ARID5B: variants seen among roughly 807,000 people sequenced by gnomAD.
ARID5B encodes the protein AT-rich interactive domain-containing protein 5B.
Under a neutral mutation model 97.2 loss-of-function variants are expected in ARID5B, and 13 were observed. The observed-to-expected ratio is 0.13, with a 90% CI of 0.09 to 0.21. ARID5B has a LOEUF of 0.21. Ranked by LOEUF, ARID5B falls within the 10% of genes least tolerant of loss-of-function variation. The pLI is 1.00. For missense variants in ARID5B, 1,210 were observed against 1,465.3 expected (o/e 0.83, Z 2.84); for synonymous variants, 556 against 570.3 (o/e 0.97, Z 0.36).
At chr10:62,059,530 G>A (rs1230869645) in intron 7 of ARID5B, among the ~76,000 whole-genome samples, 1 of 152,136 alleles carries the variant, frequency 6.6e-6, no homozygotes, top group African/African-American at 2.4e-5. Context: ...ACTCTCCCCT[G>A]TCAGGGAAAT....
Position 62,094,238 on chromosome 10 carries a change from G to A in ARID5B, c.*1208G>A. 8.6e-6 allele frequency: 2 copies of A among 232,072 alleles called. No individual in the cohort carries two copies. Among genetic ancestry groups the A allele is most frequent in the Non-Finnish European group, 1.7e-5 (2 of 117,300 alleles). The allele number at this position is 232,072 out of a possible 1,614,324, so 14.4% of individuals were successfully genotyped here. A position where few individuals can be genotyped will look rare whatever the true frequency, so the allele number is the denominator to read the frequency against. ...TTTAAATGGTCTGGGAAAGGGGGTT[G>A]GGAAGAGGATGGAGCTCAACTGGCC... On this transcript the variant is annotated 3_prime_UTR_variant, in exon 10 of 10. Coordinates refer to ENST00000279873, the MANE Select transcript of ARID5B (RefSeq NM_032199.3).
intron 4 of ARID5B, among the ~76,000 whole-genome samples, chr10:62,033,932 T>C (rs117757095): frequency 0.051 from 7,755 of 152,308 alleles, 437 homozygotes; most frequent in Admixed American, 0.18. Flanking sequence ...TCAAAGCCCG[T>C]GCCCTCTCTA....
At chr10:61,902,830 G>A (rs774198095) in intron 2 of ARID5B, among the ~76,000 whole-genome samples, 2 of 151,728 alleles carry the variant, frequency 1.3e-5, no homozygotes, top group Non-Finnish European at 2.9e-5. Flanking sequence ...GATTTCTTTC[G>A]GTGGGTTTCG....
intron 4 of ARID5B, among the ~76,000 whole-genome samples, chr10:62,030,705 C>T (rs1193222351): frequency 6.6e-6 from 1 of 152,176 alleles, no homozygotes; most frequent in Non-Finnish European, 1.5e-5. Flanking sequence ...TGGCAATGTC[C>T]TCAGTTTTAA....
At position 62,091,129 on chromosome 10, in the gene ARID5B, G is replaced by C; in HGVS notation, c.1666G>C (p.Val556Leu). ...GGCCCCAGAAAAAGATTCAGCCTTG[G>C]TCCCTGGGGCCAGCAAACAGCCACT... Reference protein sequence around the residue: ...PLAPEKDSALVPGASKQPLTS... With the variant: ...PLAPEKDSALLPGASKQPLTS... The change falls in exon 10 of 10, where the codon GTC (valine) becomes CTC (leucine). Residue 556 changes from valine (V) to leucine (L), a missense_variant. Coordinates refer to ENST00000279873, the MANE Select transcript of ARID5B (RefSeq NM_032199.3). 1 of 1,614,118 alleles carries C rather than the reference G, an allele frequency of 6.2e-7. No homozygotes were observed. The highest frequency in any genetic ancestry group is 8.5e-7 in the Non-Finnish European group (1 of 1,180,042).
intron 2 of ARID5B, among the ~76,000 whole-genome samples, chr10:61,939,792 A>G (rs1589227092): frequency 2.6e-5 from 4 of 152,348 alleles, no homozygotes; most frequent in Admixed American, 2.6e-4. Flanking sequence ...TTATGTAGAG[A>G]CAGGCTCACC....
At chr10:62,040,924 T>C (rs753635361) in intron 4 of ARID5B, among the ~76,000 whole-genome samples, 101 of 152,144 alleles carry the variant, frequency 6.6e-4, no homozygotes, top group Non-Finnish European at 1.1e-3. Context: ...CAGTGAAAAA[T>C]GTAAAGAAGC....
chr10:61,904,147 A>G (rs942261880), intron 2 of ARID5B, among the ~76,000 whole-genome samples: 1 of 148,700 alleles, frequency 6.7e-6, no homozygotes, highest in Admixed American at 6.9e-5. Flanking sequence ...TATTACTTCA[A>G]CATGGCCTGT....
rs140865101 is a variant in ARID5B, at chr10:61,962,454, A to G, written c.502+22046A>G. Reference sequence around the variant, plus strand: ...TTAAATATGTACAGCATGTTTTAGGATGCTTGTTAATGACTCTACGGGCAC... The same window carrying G: ...TTAAATATGTACAGCATGTTTTAGGGTGCTTGTTAATGACTCTACGGGCAC... On this transcript the variant is annotated intron_variant, in intron 3 of 9. Coordinates refer to ENST00000279873, the MANE Select transcript of ARID5B (RefSeq NM_032199.3). Among the ~76,000 whole-genome samples, 817 of 152,342 alleles carry G rather than the reference A, an allele frequency of 5.4e-3. 3 individuals are homozygous for G. Among genetic ancestry groups the G allele is most frequent in the Non-Finnish European group, 8.3e-3 (568 of 68,030 alleles).
chr10:62,091,633 G>T lies in ARID5B; in HGVS notation c.2170G>T (p.Ala724Ser), dbSNP rs779683944. The T allele has an allele frequency of 1.2e-6, 2 of 1,613,936 alleles. No homozygotes were observed. The highest frequency in any genetic ancestry group is 1.7e-5 in the Admixed American group (1 of 60,000). The change falls in exon 10 of 10, where the codon GCT becomes TCT. Residue 724 changes from alanine to serine, a missense_variant. Transcript: ENST00000279873. ...TTTGATCAGCAAAAAGAAACTGATT[G>T]CTAGGGATGACTTGTGTTCCAGTTT... ...PPLISKKKLI[A>S]RDDLCSSLSQ... is the part of the protein sequence containing the mutation.
chr10:62,062,944 C>T (rs1218712564), intron 7 of ARID5B, among the ~76,000 whole-genome samples: 1 of 152,164 alleles, frequency 6.6e-6, no homozygotes, highest in Non-Finnish European at 1.5e-5. Context: ...ACAATTGTCT[C>T]ACCCTCTGTA....
intron 3 of ARID5B, among the ~76,000 whole-genome samples, chr10:61,966,363 T>A (rs999200044): frequency 2.0e-5 from 3 of 152,264 alleles, no homozygotes; most frequent in African/African-American, 7.2e-5. Flanking sequence ...AAGTCATCTT[T>A]CTCCCTGTGT....
intron 7 of ARID5B, 83 bp downstream of exon 7, chr10:62,059,378 G>C (rs1839894668): frequency 1.7e-6 from 2 of 1,154,576 alleles, no homozygotes; most frequent in East Asian, 4.8e-5. Context: ...AACATGCAAG[G>C]GCAAAACATC....
chr10:61,902,695 G>C (rs1437667810), intron 2 of ARID5B, among the ~76,000 whole-genome samples: 1 of 149,546 alleles, frequency 6.7e-6, no homozygotes, highest in South Asian at 2.1e-4. Flanking sequence ...GTGTGTGTGT[G>C]TGTGTGTATG....
At chr10:61,914,854 A>G (rs1843872650) in intron 2 of ARID5B, among the ~76,000 whole-genome samples, 1 of 152,244 alleles carries the variant, frequency 6.6e-6, no homozygotes, top group Non-Finnish European at 1.5e-5. Flanking sequence ...GGTTAAAGGA[A>G]CTTGCCCAAG....
chr10:61,931,382 A>G (rs1481485334), intron 2 of ARID5B, among the ~76,000 whole-genome samples: 1 of 152,264 alleles, frequency 6.6e-6, no homozygotes, highest in Non-Finnish European at 1.5e-5. Context: ...TTCTAAAAGT[A>G]AAATGTAAAC....
rs142280821 is a variant in ARID5B at position 62,005,684 on chromosome 10, A to G, written c.733+5363A>G. Among the ~76,000 whole-genome samples, 317 of 152,324 alleles carry G rather than the reference A, an allele frequency of 2.1e-3. 1 individual carries two copies. The highest frequency in any genetic ancestry group is 7.4e-3 in the African/African-American group (308 of 41,574). ...AAAGAAAAGGGGGAGAACAGAAGAG[A>G]TGAAGGGACAAAACCTTGAATTTTT... On this transcript the variant is annotated intron_variant, in intron 4 of 9. Transcript: ENST00000279873.
chr10:62,021,789 C>T (rs1229684426), intron 4 of ARID5B, among the ~76,000 whole-genome samples: 1 of 152,226 alleles, frequency 6.6e-6, no homozygotes, highest in African/African-American at 2.4e-5. Flanking sequence ...AGTACAACCA[C>T]TGTGGTGTTA....
intron 2 of ARID5B, among the ~76,000 whole-genome samples, chr10:61,922,970 T>A (rs1028599040): frequency 6.6e-5 from 10 of 152,186 alleles, no homozygotes; most frequent in East Asian, 5.8e-4. Flanking sequence ...TTCTGGCCAA[T>A]GTTTTTTTAA....
Sources: allele counts gnomAD v4.1 joint callset (sites outside exome capture counted in the v4.1 genomes callset), GRCh38; gene constraint gnomAD v4.1.1; transcripts MANE v1.5; gene names NCBI Gene and HGNC (gene_info 2026-07-23, HGNC 2026-07-21).